MTHFD1L: variants seen among roughly 807,000 people sequenced by gnomAD.
MTHFD1L encodes methylenetetrahydrofolate dehydrogenase (NADP+ dependent) 1 like.
A neutral mutation model predicts 119.5 loss-of-function variants in MTHFD1L; 81 were observed. That is an observed-to-expected ratio of 0.68 (90% confidence interval 0.57 to 0.82). MTHFD1L has a LOEUF of 0.82. Ranked by LOEUF, MTHFD1L falls within the 40% of genes least tolerant of loss-of-function variation. The probability of loss-of-function intolerance (pLI) is 0.00; values close to 1 mark genes in which losing one functional copy is unlikely to be tolerated. For missense variants in MTHFD1L, 1,125 were observed against 1,253.4 expected, an observed-to-expected ratio of 0.90 and a Z score of 1.55; for synonymous variants, 430 against 475.2, an observed-to-expected ratio of 0.90 and a Z score of 1.24.
chr6:150,925,146 G>T (rs1037779260), intron 10 of MTHFD1L, among the ~76,000 whole-genome samples: 3 of 152,156 alleles, frequency 2.0e-5, no homozygotes, highest in African/African-American at 7.2e-5. Flanking sequence ...CACTGAGGGG[G>T]TTGATCTGCC....
chr6:150,999,229 G>A (rs913801767), intron 20 of MTHFD1L, among the ~76,000 whole-genome samples: 1 of 152,098 alleles, frequency 6.6e-6, no homozygotes, highest in African/African-American at 2.4e-5. Flanking sequence ...GCATAATTCT[G>A]TACTTCTTTC....
intron 24 of MTHFD1L, among the ~76,000 whole-genome samples, chr6:151,027,494 C>T (rs949712941): frequency 2.0e-5 from 3 of 152,158 alleles, no homozygotes; most frequent in African/African-American, 7.2e-5. Context: ...TTTACAGAAC[C>T]AAGAGAAAGC....
intron 20 of MTHFD1L, among the ~76,000 whole-genome samples, chr6:151,004,143 G>C (rs1454620687): frequency 6.6e-6 from 1 of 151,888 alleles, no homozygotes; most frequent in Non-Finnish European, 1.5e-5. Flanking sequence ...AGGAGTTCGA[G>C]ACCAGCCTGG....
At chr6:150,998,805 T>G (rs1780173943) in intron 20 of MTHFD1L, among the ~76,000 whole-genome samples, 1 of 140,286 alleles carries the variant, frequency 7.1e-6, no homozygotes, top group African/African-American at 2.8e-5. Flanking sequence ...GATGAAACCC[T>G]GTCTCCTCTA....
At chr6:150,975,166 A>G (rs1776384195) in intron 20 of MTHFD1L, among the ~76,000 whole-genome samples, 2 of 152,232 alleles carry the variant, frequency 1.3e-5, no homozygotes, top group African/African-American at 2.4e-5. Context: ...TAATGCTGCT[A>G]TGAACATAGA....
chr6:150,959,810 A>C (rs1796170556), intron 17 of MTHFD1L, among the ~76,000 whole-genome samples: 1 of 152,148 alleles, frequency 6.6e-6, no homozygotes, highest in Non-Finnish European at 1.5e-5. Flanking sequence ...CATCTGATGC[A>C]TATTGTATGC....
chr6:150,998,967 CAAA>C (rs1780210954), intron 20 of MTHFD1L, among the ~76,000 whole-genome samples: 1 of 134,580 alleles, frequency 7.4e-6, no homozygotes, highest in Admixed American at 7.6e-5. Context: ...CCAGCCTGGG[CAAA>C]CAGAGGGAGA....
intron 15 of MTHFD1L, among the ~76,000 whole-genome samples, chr6:150,947,361 C>G (rs1476640037): frequency 6.6e-6 from 1 of 151,442 alleles, no homozygotes; most frequent in Non-Finnish European, 1.5e-5. Flanking sequence ...TCCCAAAGTG[C>G]TGGGATTACA....
intron 9 of MTHFD1L, among the ~76,000 whole-genome samples, chr6:150,919,879 G>C (rs1006634387): frequency 6.6e-6 from 1 of 152,176 alleles, no homozygotes; most frequent in African/African-American, 2.4e-5. Flanking sequence ...AATTGTTTAG[G>C]CTCAGGATCT....
chr6:151,040,033 G>A (rs1016557681), intron 26 of MTHFD1L, among the ~76,000 whole-genome samples: 1 of 152,204 alleles, frequency 6.6e-6, no homozygotes, highest in African/African-American at 2.4e-5. Flanking sequence ...CCTTGGCTTA[G>A]GGATAAGAGG....
At chr6:150,881,728 T>G (rs1413823360) in intron 4 of MTHFD1L, among the ~76,000 whole-genome samples, 1 of 152,214 alleles carries the variant, frequency 6.6e-6, no homozygotes, top group Non-Finnish European at 1.5e-5. Context: ...CCTCCTCCAC[T>G]AGAGTATAAG....
Position 151,044,314 on chromosome 6 carries a change from TTTTTTGAGACAGAGTCTCACTC to T in MTHFD1L, c.2847+7199_2847+7220del, listed in dbSNP as rs1334375405. Among the ~76,000 whole-genome samples the T allele has an allele frequency of 2.0e-5, 3 of 151,460 alleles. No individual in the cohort carries two copies. The East Asian group carries it at 5.8e-4, about 29-fold the overall frequency. On this transcript the variant is annotated intron_variant, in intron 26 of 27. Transcript: ENST00000367321. ...TACATTCTTTTTTTTTTTTTTTCTT[TTTTTTGAGACAGAGTCTCACTC>T]TGTCACCTGGGCTGGAGTGCAGTGG...
intron 18 of MTHFD1L, among the ~76,000 whole-genome samples, chr6:150,962,310 A>G (rs1454506755): frequency 1.3e-5 from 2 of 152,324 alleles, no homozygotes; most frequent in Middle Eastern, 3.4e-3. Context: ...GTGTGAGTGT[A>G]TGATAAAAAT....
At chr6:151,076,456 C>T (rs1199266707) in intron 26 of MTHFD1L, among the ~76,000 whole-genome samples, 2 of 152,036 alleles carry the variant, frequency 1.3e-5, no homozygotes, top group African/African-American at 4.8e-5. Context: ...TCAAGACCAG[C>T]CTGGGCAACA....
intron 24 of MTHFD1L, among the ~76,000 whole-genome samples, chr6:151,017,835 T>TTTTTTTC (rs1366712415): frequency 1.4e-5 from 2 of 144,666 alleles, no homozygotes; most frequent in African/African-American, 5.2e-5. Context: ...GTTTTCTTTT[T>TTTTTTTC]TTTTTTTTTT....
intron 20 of MTHFD1L, among the ~76,000 whole-genome samples, chr6:150,998,995 A>AAAAAAAAAAATGTATAT (rs986639098): frequency 0.048 from 6,915 of 143,108 alleles, 245 homozygotes; most frequent in South Asian, 0.081. Context: ...GTCTTAAAAA[A>AAAAAAAAAAATGTATAT]ATATATATAC....
intron 27 of MTHFD1L, among the ~76,000 whole-genome samples, chr6:151,098,437 C>T (rs866876223): frequency 2.0e-5 from 3 of 152,208 alleles, no homozygotes; most frequent in Non-Finnish European, 2.9e-5. Flanking sequence ...AGAAAAGGGG[C>T]GCCAAGGCAT....
At chr6:151,080,716 G>A (rs11754388) in intron 26 of MTHFD1L, among the ~76,000 whole-genome samples, 7,217 of 152,224 alleles carry the variant, frequency 0.047, 213 homozygotes, top group Middle Eastern at 0.078. Context: ...TTCTGGAGGC[G>A]GGAAGTCCAA....
At position 150,960,378 on chromosome 6, in the gene MTHFD1L, G is replaced by A; in HGVS notation, c.1907G>A (p.Ser636Asn). The change falls in exon 18 of 28, where the codon AGT becomes AAT. Residue 636 changes from serine (S) to asparagine (N), a missense_variant. Ser to Asn is a conservative substitution (Grantham distance 46, BLOSUM62 1). Around this residue, in one of 3 missense-constraint regions of MTHFD1L, gnomAD observed 1,058 missense variants for 1,151.2 expected, o/e 0.92. Transcript: ENST00000367321. ...KARLGRMVVA[S>N]DKSGQPVTAD... ...CGGCTGGGAAGGATGGTGGTGGCCAGTGACAAAAGCGGGCAGCCTGTGACA... is the reference window on the plus strand; with the variant it reads ...CGGCTGGGAAGGATGGTGGTGGCCAATGACAAAAGCGGGCAGCCTGTGACA... The A allele has an allele frequency of 3.1e-6, 5 of 1,613,566 alleles. No individual in the cohort carries two copies. The highest frequency in any genetic ancestry group is 2.2e-5 in the East Asian group (1 of 44,856).
Sources: allele counts gnomAD v4.1 joint callset (sites outside exome capture counted in the v4.1 genomes callset), GRCh38; gene constraint gnomAD v4.1.1; regional missense constraint gnomAD v4.1.1; transcripts MANE v1.5; gene names NCBI Gene and HGNC (gene_info 2026-07-23, HGNC 2026-07-21).